The following CA10 variants were observed in gnomAD, a reference collection of about 807,000 sequenced individuals.
CA10 encodes the protein carbonic anhydrase-related protein 10.
A neutral mutation model predicts 44.2 loss-of-function variants in CA10; 14 were observed. The observed-to-expected ratio is 0.32, with a 90% CI of 0.21 to 0.50. The LOEUF (loss-of-function observed/expected upper bound fraction) is 0.50, where lower values mean the gene tolerates loss of function less well. CA10 is among the 20% of genes least tolerant of loss of function. The pLI is 0.99. For synonymous variants in CA10, 159 were observed against 141.6 expected, an observed-to-expected ratio of 1.12 and a Z score of -0.87; for missense variants, 350 against 409.7, an observed-to-expected ratio of 0.85 and a Z score of 1.26.
At chr17:51,917,206 C>T (rs1982036541) in intron 3 of CA10, among the ~76,000 whole-genome samples, 1 of 144,874 alleles carries the variant, frequency 6.9e-6, no homozygotes, top group Non-Finnish European at 1.6e-5. Context: ...TTTCAAGTCA[C>T]CACCTTGATG....
chr17:51,643,667 A>C (rs1253207885), intron 6 of CA10, among the ~76,000 whole-genome samples: 2 of 152,198 alleles, frequency 1.3e-5, no homozygotes, highest in Non-Finnish European at 2.9e-5. Flanking sequence ...CATTTAAAAC[A>C]AGCAAATTCT....
At position 51,853,703 on chromosome 17, in the gene CA10, C is replaced by T. The variant is rs1376477009; in HGVS notation, c.279+77287G>A. ...ATCTCAAATTGTAATCTCCACGTGT[C>T]GCGGGAGGGAGGTGAATGGATCATG... On this transcript the variant is annotated intron_variant, in intron 3 of 8. Coordinates refer to ENST00000451037, the MANE Select transcript of CA10 (RefSeq NM_020178.5). Among the ~76,000 whole-genome samples, 16 of 152,214 alleles carry T rather than the reference C, an allele frequency of 1.1e-4. No individual in the cohort carries two copies. In the East Asian group the frequency reaches 2.5e-3, roughly 24 times the overall value.
intron 3 of CA10, among the ~76,000 whole-genome samples, chr17:51,805,661 A>G (rs1457158783): frequency 1.3e-5 from 2 of 152,218 alleles, no homozygotes; most frequent in African/African-American, 2.4e-5. Flanking sequence ...TAAGTGTACA[A>G]TTCGACAGTT....
At chr17:51,961,264 A>G (rs1983883376) in intron 2 of CA10, among the ~76,000 whole-genome samples, 1 of 151,984 alleles carries the variant, frequency 6.6e-6, no homozygotes, top group African/African-American at 2.4e-5. Flanking sequence ...TACACCTCAT[A>G]TTAAAATTTC....
chr17:51,946,099 A>T (rs2144024762), intron 2 of CA10, among the ~76,000 whole-genome samples: 1 of 152,300 alleles, frequency 6.6e-6, no homozygotes, highest in East Asian at 1.9e-4. Flanking sequence ...ATTCTAAAAT[A>T]GTTGAACTCA....
At chr17:51,844,714 T>C (rs1316420203) in intron 3 of CA10, among the ~76,000 whole-genome samples, 1 of 152,178 alleles carries the variant, frequency 6.6e-6, no homozygotes, top group Non-Finnish European at 1.5e-5. Context: ...TCAAAATATG[T>C]CCACAAAAGA....
chr17:51,683,481 A>C (rs1914911146), intron 4 of CA10, among the ~76,000 whole-genome samples: 1 of 152,168 alleles, frequency 6.6e-6, no homozygotes, highest in Non-Finnish European at 1.5e-5. Flanking sequence ...AATCGACGGG[A>C]AAACGTTTTG....
chr17:51,923,841 C>G (rs180973651), intron 3 of CA10, among the ~76,000 whole-genome samples: 74 of 152,250 alleles, frequency 4.9e-4, no homozygotes, highest in African/African-American at 1.7e-3. Context: ...TGGATCGTAG[C>G]AACTTTTGGT....
intron 1 of CA10, among the ~76,000 whole-genome samples, chr17:52,136,979 A>AT (rs1318131462): frequency 4.6e-5 from 7 of 152,168 alleles, no homozygotes; most frequent in Admixed American, 1.3e-4. Context: ...AAAATGAGGA[A>AT]TTTTTTCCCT....
At chr17:51,872,773 A>G (rs1285816322) in intron 3 of CA10, among the ~76,000 whole-genome samples, 1 of 152,226 alleles carries the variant, frequency 6.6e-6, no homozygotes, top group Non-Finnish European at 1.5e-5. Flanking sequence ...TTTATATCAC[A>G]GAGACTGGTA....
At chr17:51,907,057 T>G (rs1981586622) in intron 3 of CA10, among the ~76,000 whole-genome samples, 1 of 152,180 alleles carries the variant, frequency 6.6e-6, no homozygotes, top group African/African-American at 2.4e-5. Flanking sequence ...GAAAGCTTTC[T>G]AGTGGTTCCC....
chr17:52,061,703 T>C (rs1987391085), intron 2 of CA10, among the ~76,000 whole-genome samples: 1 of 152,112 alleles, frequency 6.6e-6, no homozygotes, highest in Non-Finnish European at 1.5e-5. Context: ...CCTTCCTCCA[T>C]GTGAAGAAGG....
At chr17:51,776,289 C>A (rs537272755) in intron 3 of CA10, among the ~76,000 whole-genome samples, 8 of 152,052 alleles carry the variant, frequency 5.3e-5, no homozygotes, top group Admixed American at 5.2e-4. Context: ...GCAGGAGAAT[C>A]GCTTGAACCT....
intron 2 of CA10, among the ~76,000 whole-genome samples, chr17:52,043,948 C>CA (rs1286817956): frequency 6.6e-6 from 1 of 152,010 alleles, no homozygotes; most frequent in Non-Finnish European, 1.5e-5. Flanking sequence ...CTGTTGAATT[C>CA]AATTTGCTAG....
intron 2 of CA10, among the ~76,000 whole-genome samples, chr17:52,021,358 C>T (rs1486179239): frequency 6.6e-6 from 1 of 152,002 alleles, no homozygotes; most frequent in East Asian, 1.9e-4. Flanking sequence ...ATAGTAGTTC[C>T]ATCTTTAGTC....
intron 3 of CA10, among the ~76,000 whole-genome samples, chr17:51,790,520 C>T (rs530637645): frequency 3.7e-4 from 57 of 152,318 alleles, no homozygotes; most frequent in African/African-American, 1.4e-3. Flanking sequence ...ATTTGTCTAC[C>T]TTGAACACAT....
intron 3 of CA10, among the ~76,000 whole-genome samples, chr17:51,763,779 T>G (rs990407873): frequency 6.6e-6 from 1 of 152,160 alleles, no homozygotes; most frequent in African/African-American, 2.4e-5. Context: ...CCTTTCCTTC[T>G]TCTCCTTCTT....
chr17:52,040,670 C>G (rs1262951446), intron 2 of CA10, among the ~76,000 whole-genome samples: 1 of 151,982 alleles, frequency 6.6e-6, no homozygotes, highest in African/African-American at 2.4e-5. Context: ...GTTTCCAGAT[C>G]AAAGCACAGA....
At chr17:52,120,270 A>T (rs1988984503) in intron 1 of CA10, among the ~76,000 whole-genome samples, 1 of 151,998 alleles carries the variant, frequency 6.6e-6, no homozygotes, top group African/African-American at 2.4e-5. Flanking sequence ...CAAATACTCC[A>T]AATAGTCCTG....
Sources: gnomAD v4.1 joint callset for allele counts (sites outside exome capture counted in the v4.1 genomes callset) on GRCh38, gnomAD v4.1.1 for gene constraint, MANE v1.5 for transcripts, NCBI Gene and HGNC (gene_info 2026-07-23, HGNC 2026-07-21) for gene names.